The following VWA8 variants were observed in gnomAD, a reference collection of about 807,000 sequenced individuals.
The protein encoded by VWA8 is von Willebrand factor A domain-containing protein 8.
Under a neutral mutation model 241.5 loss-of-function variants are expected in VWA8, and 221 were observed. That is an observed-to-expected ratio of 0.91 (90% CI 0.82 to 1.02). The LOEUF (loss-of-function observed/expected upper bound fraction) is 1.02. Among genes scored for constraint, VWA8 ranks in the 50% least tolerant of loss-of-function variants. VWA8 has a pLI of 0.00. For synonymous variants in VWA8, 852 were observed against 827.1 expected, an observed-to-expected ratio of 1.03 and a Z score of -0.52; for missense variants, 2,322 against 2,328.7, an observed-to-expected ratio of 1.00 and a Z score of 0.06.
intron 37 of VWA8, 110 bp from the exon 38 acceptor site, chr13:41,615,194 C>A: frequency 9.4e-7 from 1 of 1,064,290 alleles, no homozygotes; most frequent in South Asian, 1.6e-5. Flanking sequence ...CACATAACCT[C>A]AGGCCACTGG....
chr13:41,844,646 C>G (rs139950309), intron 12 of VWA8, among the ~76,000 whole-genome samples: 1,993 of 152,172 alleles, frequency 0.013, 24 homozygotes, highest in Middle Eastern at 0.048. Flanking sequence ...TTTCAGTATA[C>G]AAAACCAATG....
intron 20 of VWA8, among the ~76,000 whole-genome samples, chr13:41,768,903 CT>C (rs34257749): frequency 0.4 from 51,353 of 128,016 alleles, 9,219 homozygotes; most frequent in South Asian, 0.43. Context: ...AAAACAATGC[CT>C]TTTTTTTTTT....
chr13:41,866,146 G>A (rs1306854671), intron 10 of VWA8, 110 bp from the exon 11 acceptor site: 41 of 1,381,054 alleles, frequency 3.0e-5, no homozygotes, highest in African/African-American at 7.2e-5. Flanking sequence ...TTAGTAGTTC[G>A]AGACCAGCCT....
intron 13 of VWA8, among the ~76,000 whole-genome samples, chr13:41,831,258 C>A (rs1871439590): frequency 6.6e-6 from 1 of 152,062 alleles, no homozygotes; most frequent in Non-Finnish European, 1.5e-5. Flanking sequence ...AGCCTCCATT[C>A]TATAAGCACT....
At chr13:41,835,096 G>A (rs1326266232) in intron 12 of VWA8, among the ~76,000 whole-genome samples, 1 of 152,186 alleles carries the variant, frequency 6.6e-6, no homozygotes, top group Non-Finnish European at 1.5e-5. Context: ...TGAGAGGAGG[G>A]AGGAGGGATA....
At chr13:41,903,240 G>A (rs1875542963) in intron 4 of VWA8, among the ~76,000 whole-genome samples, 1 of 151,982 alleles carries the variant, frequency 6.6e-6, no homozygotes, top group Non-Finnish European at 1.5e-5. Flanking sequence ...ACCCCACCTG[G>A]TGTTTTCATG....
At chr13:41,724,257 C>T (rs143982335) in intron 24 of VWA8, among the ~76,000 whole-genome samples, 31 of 152,196 alleles carry the variant, frequency 2.0e-4, no homozygotes, top group Admixed American at 1.6e-3. Context: ...ACAGAAGAAA[C>T]GGAGATAGCA....
chr13:41,885,755 T>C (rs1037705178), intron 8 of VWA8, among the ~76,000 whole-genome samples, 165 bp downstream of exon 8: 1 of 152,228 alleles, frequency 6.6e-6, no homozygotes, highest in Admixed American at 6.5e-5. Context: ...AACATGTCCT[T>C]GGTCTCTGTA....
chr13:41,808,628 G>A (rs1298399052), intron 17 of VWA8, among the ~76,000 whole-genome samples: 1 of 152,052 alleles, frequency 6.6e-6, no homozygotes, highest in Non-Finnish European at 1.5e-5. Flanking sequence ...TTTGGGCAGG[G>A]ACACAGATCC....
intron 37 of VWA8, among the ~76,000 whole-genome samples, chr13:41,668,516 T>A (rs1339074784): frequency 6.6e-6 from 1 of 152,118 alleles, no homozygotes; most frequent in Admixed American, 6.5e-5. Context: ...AGTATATAAA[T>A]GAAGAATAGC....
chr13:41,881,206 C>T (rs967784747), intron 9 of VWA8, among the ~76,000 whole-genome samples: 1 of 151,880 alleles, frequency 6.6e-6, no homozygotes, highest in African/African-American at 2.4e-5. Flanking sequence ...TTTGACATAT[C>T]GACATCATTT....
intron 37 of VWA8, among the ~76,000 whole-genome samples, chr13:41,626,247 GA>G (rs2139670910): frequency 6.6e-6 from 1 of 151,598 alleles, no homozygotes; most frequent in East Asian, 1.9e-4. Flanking sequence ...AAATTAAAAA[GA>G]AAACACTCAT....
intron 40 of VWA8, among the ~76,000 whole-genome samples, chr13:41,601,641 T>C (rs574836845): frequency 6.6e-6 from 1 of 152,260 alleles, no homozygotes; most frequent in East Asian, 1.9e-4. Flanking sequence ...CTGAACCAAG[T>C]ATAATTGAAG....
Position 41,871,547 on chromosome 13 carries a change from T to C in VWA8, c.1081-3070A>G, listed in dbSNP as rs1265965631. 2.6e-5 allele frequency among the ~76,000 whole-genome samples: 4 copies of C among 152,112 alleles called. No homozygotes were observed. In the South Asian group the frequency reaches 6.2e-4, roughly 24 times the overall value. ...TTCCATTCCCACCTATGAGTGAGAATATGCGGTGTTTGGTTTTTTGTTCTT... is the reference window on the plus strand; with the variant it reads ...TTCCATTCCCACCTATGAGTGAGAACATGCGGTGTTTGGTTTTTTGTTCTT... On this transcript the variant is annotated intron_variant, in intron 9 of 44. Coordinates refer to ENST00000379310, the MANE Select transcript of VWA8 (RefSeq NM_015058.2).
intron 35 of VWA8, among the ~76,000 whole-genome samples, chr13:41,679,917 G>A (rs942412393): frequency 6.7e-6 from 1 of 149,190 alleles, no homozygotes; most frequent in East Asian, 2.0e-4. Flanking sequence ...TATTTCTGTG[G>A]TATTCACCTT....
chr13:41,948,324 T>C (rs947638510), intron 2 of VWA8, among the ~76,000 whole-genome samples: 9 of 152,094 alleles, frequency 5.9e-5, no homozygotes, highest in African/African-American at 2.2e-4. Context: ...AAACAGAAAG[T>C]ATATTAGTAG....
At chr13:41,923,086 C>G (rs906838027) in intron 2 of VWA8, among the ~76,000 whole-genome samples, 2 of 152,120 alleles carry the variant, frequency 1.3e-5, no homozygotes, top group Admixed American at 6.5e-5. Flanking sequence ...ACATATACAC[C>G]ATGGAATACT....
Position 41,940,430 on chromosome 13 carries a change from GA to G in VWA8, c.241+9505del, listed in dbSNP as rs1045166840. Among the ~76,000 whole-genome samples the G allele has an allele frequency of 8.8e-4, 122 of 139,240 alleles. 2 individuals are homozygous for G. The highest frequency in any genetic ancestry group is 2.7e-3 in the African/African-American group (103 of 37,904). The allele number at this position is 139,240 out of a possible 152,430, so 91.3% of individuals were successfully genotyped here. A position where few individuals can be genotyped will look rare whatever the true frequency, so the allele number is the denominator to read the frequency against. ...AAAATACTTTTTAAACTTCAAAACA[GA>G]AAAAAAAAAAGTCCATCAAAATTCT... is the stretch of plus-strand genomic sequence containing the variant. On this transcript the variant is annotated intron_variant, in intron 2 of 44. Coordinates refer to ENST00000379310, the MANE Select transcript of VWA8 (RefSeq NM_015058.2).
chr13:41,868,497 TCATG>T lies in VWA8; in HGVS notation c.1081-24_1081-21del. The T allele has an allele frequency of 5.0e-6, 8 of 1,605,074 alleles. No homozygotes were observed. Among genetic ancestry groups the T allele is most frequent in the Non-Finnish European group, 6.8e-6 (8 of 1,175,768 alleles). On this transcript the variant is annotated intron_variant, in intron 9 of 44. Transcript: ENST00000379310. ...AAAGCGCTGTAAAATTACAAGAAAA[TCATG>T]CAATTTACTTTTCATTTTAGCATTA...
Sources: gnomAD v4.1 joint callset for allele counts (sites outside exome capture counted in the v4.1 genomes callset) on GRCh38, gnomAD v4.1.1 for gene constraint, MANE v1.5 for transcripts, NCBI Gene and HGNC (gene_info 2026-07-23, HGNC 2026-07-21) for gene names.